Variants in MGAT4C observed in about 807,000 individuals in gnomAD.
The protein encoded by MGAT4C is MGAT4 family member C.
In MGAT4C, 19 loss-of-function variants were observed where a neutral mutation model predicts 40.1. The observed-to-expected ratio is 0.47, with a 90% confidence interval of 0.33 to 0.70. The LOEUF is 0.70. Ranked by LOEUF, MGAT4C falls within the 30% of genes least tolerant of loss-of-function variation. The pLI is 0.02. For synonymous variants in MGAT4C, 181 were observed against 187.1 expected (o/e 0.97, Z 0.27); for missense variants, 491 against 563.2 (o/e 0.87, Z 1.30).
At chr12:86,708,532 C>T (rs1280590236) in intron 2 of MGAT4C, among the ~76,000 whole-genome samples, 3 of 152,092 alleles carry the variant, frequency 2.0e-5, no homozygotes, top group African/African-American at 7.2e-5. Context: ...CCTTCAGACC[C>T]CATAATGGTA....
At chr12:86,321,584 G>T (rs115934926) in intron 4 of MGAT4C, among the ~76,000 whole-genome samples, 1 of 152,004 alleles carries the variant, frequency 6.6e-6, no homozygotes, top group African/African-American at 2.4e-5. Flanking sequence ...GAAAATGGCC[G>T]CCAGAAAATA....
In MGAT4C at chr12:86,612,597, C is replaced by G. The variant is rs114031963; in HGVS notation, c.-229+114612G>C. ...AAACCCCGTCTTTACTAAAAACACA[C>G]AAAAAAATTAGAGGGCATCTGTAGT... On this transcript the variant is annotated intron_variant, in intron 2 of 7. Transcript: ENST00000548651. Among the ~76,000 whole-genome samples the G allele has an allele frequency of 2.9e-4, 44 of 151,710 alleles. 1 individual carries two copies. The highest frequency in any genetic ancestry group is 7.3e-4 in the African/African-American group (30 of 41,352).
chr12:85,969,584 G>A lies in MGAT4C; in HGVS notation c.*9705C>T, dbSNP rs1883522411. On this transcript the variant is annotated 3_prime_UTR_variant, in exon 5 of 5. Transcript: ENST00000611864. ...CAAGTTTAAAAAATGAGAAAAAAAT[G>A]TTTTACATGAAGAAACTAATTATTT... 6.6e-6 allele frequency: 1 copy of A among 151,400 alleles called. No homozygotes were observed. The highest frequency in any genetic ancestry group is 1.5e-5 in the Non-Finnish European group (1 of 67,542). 9.4% of individuals were successfully genotyped at this position (151,400 alleles called of 1,614,324 possible).
intron 2 of MGAT4C, among the ~76,000 whole-genome samples, chr12:86,443,326 A>G (rs1957269648): frequency 6.6e-6 from 1 of 152,140 alleles, no homozygotes; most frequent in Admixed American, 6.5e-5. Flanking sequence ...GATGTTTTCT[A>G]TTAAAGTGAT....
chr12:86,214,024 G>T (rs994085446), intron 1 of MGAT4C, among the ~76,000 whole-genome samples: 8 of 152,158 alleles, frequency 5.3e-5, no homozygotes, highest in South Asian at 2.1e-4. Flanking sequence ...AGTTATCATT[G>T]CATTCTTTAA....
chr12:86,446,308 T>C (rs1432690661), intron 2 of MGAT4C, among the ~76,000 whole-genome samples: 2 of 151,996 alleles, frequency 1.3e-5, no homozygotes, highest in Admixed American at 1.3e-4. Context: ...TTTGAATAAT[T>C]ACTCATCCCA....
In MGAT4C at chr12:86,700,174, C is replaced by CAGAT. The variant is rs1451228380; in HGVS notation, c.-229+27034_-229+27035insATCT. ...ACAGACAGACAGACAGACAGACAGA[C>CAGAT]AGACAGATAGATAGATAGATAGATA... is the stretch of plus-strand genomic sequence containing the variant. On this transcript the variant is annotated intron_variant, in intron 2 of 7. Transcript: ENST00000548651. 5.6e-3 allele frequency among the ~76,000 whole-genome samples: 785 copies of CAGAT among 140,812 alleles called. 1 individual carries two copies. Among genetic ancestry groups the CAGAT allele is most frequent in the East Asian group, 0.023 (109 of 4,748 alleles). The allele number at this position is 140,812 out of a possible 152,430, so 92.4% of individuals were successfully genotyped here.
At chr12:86,062,325 C>T (rs749740709) in intron 1 of MGAT4C, among the ~76,000 whole-genome samples, 25 of 152,026 alleles carry the variant, frequency 1.6e-4, no homozygotes, top group African/African-American at 5.1e-4. Context: ...AAAGGGATAG[C>T]GTCAAGATCA....
chr12:86,235,903 CA>C (rs1287505913), intron 1 of MGAT4C, among the ~76,000 whole-genome samples: 1 of 151,970 alleles, frequency 6.6e-6, no homozygotes, highest in East Asian at 1.9e-4. Context: ...GGTGTGATTT[CA>C]AAACCACTAC....
chr12:86,033,467 T>C (rs897494148), intron 2 of MGAT4C, among the ~76,000 whole-genome samples: 1 of 149,580 alleles, frequency 6.7e-6, no homozygotes, highest in African/African-American at 2.4e-5. Context: ...GTGGAAGTAT[T>C]TCACCTCCCT....
Position 86,618,531 on chromosome 12 carries a change from A to G in MGAT4C, c.-229+108678T>C, listed in dbSNP as rs542162466. ...GAAATTTTGTCATTTCGAGCAACATAGATGGAACTGGAGGTGATTATGTTA... is the reference window on the plus strand; with the variant it reads ...GAAATTTTGTCATTTCGAGCAACATGGATGGAACTGGAGGTGATTATGTTA... On this transcript the variant is annotated intron_variant, in intron 2 of 7. Coordinates refer to the MGAT4C transcript ENST00000548651. 2.0e-5 allele frequency among the ~76,000 whole-genome samples: 3 copies of G among 152,322 alleles called. No homozygotes were observed. The East Asian group carries it at 5.8e-4, about 29-fold the overall frequency.
At chr12:86,239,271 A>C (rs1428398984) in intron 1 of MGAT4C, among the ~76,000 whole-genome samples, 4 of 152,040 alleles carry the variant, frequency 2.6e-5, no homozygotes, top group Non-Finnish European at 5.9e-5. Flanking sequence ...ATAACATGAA[A>C]ATTTTTATTT....
At chr12:86,756,419 ATT>A (rs35597176) in intron 1 of MGAT4C, among the ~76,000 whole-genome samples, 17 of 149,234 alleles carry the variant, frequency 1.1e-4, no homozygotes, top group African/African-American at 3.2e-4. Flanking sequence ...GCAACATACG[ATT>A]TTTTTTTTTG....
At chr12:86,724,236 T>C (rs913113574) in intron 2 of MGAT4C, among the ~76,000 whole-genome samples, 1 of 152,196 alleles carries the variant, frequency 6.6e-6, no homozygotes, top group Non-Finnish European at 1.5e-5. Flanking sequence ...ACCCAATGAT[T>C]CTTTTAAATT....
At position 86,357,182 on chromosome 12, in the gene MGAT4C, G is replaced by C. The variant is rs1225111949; in HGVS notation, c.-119-23055C>G. Among the ~76,000 whole-genome samples, 5 of 152,178 alleles carry C rather than the reference G, an allele frequency of 3.3e-5. No individual in the cohort carries two copies. The South Asian group carries it at 1.0e-3, about 31-fold the overall frequency. On this transcript the variant is annotated intron_variant, in intron 3 of 7. Transcript: ENST00000548651. ...GTCCTGCAATATTTGCTGTTCTGCA[G>C]CCTCTGCTGGTGCTACCCAGGCAAA... is the stretch of plus-strand genomic sequence containing the variant.
chr12:86,437,005 T>C (rs1032176383), intron 2 of MGAT4C, among the ~76,000 whole-genome samples: 7 of 151,758 alleles, frequency 4.6e-5, no homozygotes, highest in African/African-American at 1.7e-4. Flanking sequence ...TATGTAATTT[T>C]CGATGTAGAA....
intron 2 of MGAT4C, among the ~76,000 whole-genome samples, chr12:85,998,383 A>G (rs1015453890): frequency 1.3e-5 from 2 of 152,080 alleles, no homozygotes; most frequent in African/African-American, 4.8e-5. Context: ...TCTGCTCCTC[A>G]TTACTTATGC....
intron 4 of MGAT4C, among the ~76,000 whole-genome samples, chr12:86,283,937 TC>T (rs2136120918): frequency 6.6e-6 from 1 of 152,262 alleles, no homozygotes; most frequent in African/African-American, 2.4e-5. Context: ...TACAATTTGA[TC>T]CTCTGCTGCA....
At chr12:86,183,360 A>T (rs904038804) in intron 1 of MGAT4C, among the ~76,000 whole-genome samples, 1 of 152,290 alleles carries the variant, frequency 6.6e-6, no homozygotes, top group African/African-American at 2.4e-5. Flanking sequence ...TTAGCCCTGT[A>T]ACTTGAGCTA....
Sources: allele counts gnomAD v4.1 joint callset (sites outside exome capture counted in the v4.1 genomes callset), GRCh38; gene constraint gnomAD v4.1.1; transcripts MANE v1.5; gene names NCBI Gene and HGNC (gene_info 2026-07-23, HGNC 2026-07-21).